RGS13: variants seen among roughly 807,000 people sequenced by gnomAD.
RGS13 encodes the protein regulator of G-protein signalling 13.
A neutral mutation model predicts 19.9 loss-of-function variants in RGS13; 14 were observed. That is an observed-to-expected ratio of 0.70 (90% CI 0.46 to 1.10). The LOEUF is 1.10. RGS13 is among the 50% of genes least tolerant of loss of function. RGS13 has a pLI of 0.00. For missense variants in RGS13, 205 were observed against 187.1 expected (o/e 1.10, Z -0.56); for synonymous variants, 60 against 56.8 (o/e 1.06, Z -0.25).
At chr1:192,643,969 AAAT>A (rs1486526985) in intron 3 of RGS13, among the ~76,000 whole-genome samples, 1 of 152,106 alleles carries the variant, frequency 6.6e-6, no homozygotes, top group African/African-American at 2.4e-5. Context: ...ATAAAAATAA[AAAT>A]AAGAATTGTC....
At chr1:192,649,696 A>G (rs1033809414) in intron 5 of RGS13, among the ~76,000 whole-genome samples, 6 of 151,940 alleles carry the variant, frequency 3.9e-5, no homozygotes, top group Admixed American at 1.3e-4. Context: ...GGGTCACTTC[A>G]TTTTCTACTT....
At chr1:192,659,223 A>C (rs1234602236) in intron 6 of RGS13, 115 bp from the exon 7 acceptor site, 1 of 636,460 alleles carries the variant, frequency 1.6e-6, no homozygotes, top group Admixed American at 3.6e-5. Context: ...ACTACAAAGA[A>C]AATTACCCTA....
At chr1:192,650,612 G>A (rs561805505) in intron 5 of RGS13, among the ~76,000 whole-genome samples, 10 of 152,072 alleles carry the variant, frequency 6.6e-5, no homozygotes, top group South Asian at 6.2e-4. Context: ...GTTTAGAGAC[G>A]TTTTAGGGAG....
intron 5 of RGS13, among the ~76,000 whole-genome samples, chr1:192,650,503 T>C (rs983251731): frequency 2.9e-4 from 44 of 152,088 alleles, no homozygotes; most frequent in African/African-American, 9.9e-4. Context: ...AGATGCATAT[T>C]TTACATAGAT....
intron 3 of RGS13, among the ~76,000 whole-genome samples, chr1:192,641,085 A>G (rs1017515854): frequency 6.6e-6 from 1 of 151,678 alleles, no homozygotes; most frequent in African/African-American, 2.4e-5. Context: ...AACAGCTTTC[A>G]AGGAAGAAAG....
chr1:192,658,295 C>G lies in RGS13; in HGVS notation c.222C>G (p.Ala74=). 2 of 1,613,526 alleles carry G rather than the reference C, an allele frequency of 1.2e-6. No individual in the cohort carries two copies. The highest frequency in any genetic ancestry group is 1.1e-5 in the South Asian group (1 of 91,062). ...WMACETYKKI[A]SRWSRISRAK... ...CATGTGAAACCTATAAGAAAATTGC[C>G]TCACGGTGGAGCAGAATTTCTAGGG... The change falls in exon 6 of 7, where the codon GCC becomes GCG. Residue 74 remains alanine (A), a synonymous_variant. Coordinates refer to ENST00000391995, the MANE Select transcript of RGS13 (RefSeq NM_002927.5).
intron 5 of RGS13, among the ~76,000 whole-genome samples, chr1:192,654,986 A>C (rs1219131322): frequency 3.9e-5 from 6 of 152,032 alleles, no homozygotes; most frequent in Non-Finnish European, 8.8e-5. Context: ...TTCTGAGCAT[A>C]ATGTTCAGGA....
intron 3 of RGS13, among the ~76,000 whole-genome samples, chr1:192,641,191 AAAAAGAAAAAAG>A (rs1663099053): frequency 6.9e-6 from 1 of 144,482 alleles, no homozygotes; most frequent in African/African-American, 2.6e-5. Flanking sequence ...AAGAAAGAAA[AAAAAGAAAAAAG>A]GAAAGAAAGA....
In RGS13 at chr1:192,658,181, GATTTCTCCTCT is replaced by G; in HGVS notation, c.128-18_128-8del. Reference sequence around the variant, plus strand: ...TGATTTTGACCCATGAAAATAAACTGATTTCTCCTCTACTTTTAGATGGTCCAGTAGTCTAT... The same window carrying G: ...TGATTTTGACCCATGAAAATAAACTGACTTTTAGATGGTCCAGTAGTCTAT... On this transcript the variant is annotated splice_polypyrimidine_tract_variant and intron_variant, in intron 5 of 6. Coordinates refer to ENST00000391995, the MANE Select transcript of RGS13 (RefSeq NM_002927.5). The G allele has an allele frequency of 1.3e-6, 2 of 1,571,634 alleles. No homozygotes were observed. The highest frequency in any genetic ancestry group is 1.7e-6 in the Non-Finnish European group (2 of 1,158,424).
At chr1:192,639,572 T>C (rs983966867) in intron 3 of RGS13, among the ~76,000 whole-genome samples, 1 of 152,118 alleles carries the variant, frequency 6.6e-6, no homozygotes, top group Non-Finnish European at 1.5e-5. Flanking sequence ...AGATCTGAGA[T>C]GAAATTTAAA....
chr1:192,646,851 A>G (rs1663231844), intron 4 of RGS13: 1 of 152,154 alleles, frequency 6.6e-6, no homozygotes, highest in East Asian at 1.9e-4. Context: ...TTATGGCTGC[A>G]TAGTATTCCA....
chr1:192,658,166 C>T, intron 5 of RGS13, 35 bp from the exon 6 acceptor site: 15 of 1,510,784 alleles, frequency 9.9e-6, no homozygotes, highest in East Asian at 4.6e-5. Context: ...TGATTTTGAC[C>T]CATGAAAATA....
At position 192,641,254 on chromosome 1, in the gene RGS13, AAAAGAAAGAAAGAAAGAAAG is replaced by A. The variant is rs771323101; in HGVS notation, c.-4-3041_-4-3022del. The stretch of plus-strand genomic sequence containing the variant: ...AAAGAAAGAAAGAAAGAAAAGAAAG[AAAAGAAAGAAAGAAAGAAAG>A]AAAGAAAGAAAGAAAGAAAGAAAGA... On this transcript the variant is annotated intron_variant, in intron 3 of 6. Coordinates refer to ENST00000391995, the MANE Select transcript of RGS13 (RefSeq NM_002927.5). Among the ~76,000 whole-genome samples, 116 of 67,468 alleles carry A rather than the reference AAAAGAAAGAAAGAAAGAAAG, an allele frequency of 1.7e-3. 1 individual carries two copies. Among genetic ancestry groups the A allele is most frequent in the African/African-American group, 4.8e-3 (94 of 19,690 alleles). The allele number at this position is 67,468 out of a possible 152,430, so 44.3% of individuals were successfully genotyped here.
At chr1:192,639,936 T>C (rs1044301345) in intron 3 of RGS13, among the ~76,000 whole-genome samples, 1 of 152,136 alleles carries the variant, frequency 6.6e-6, no homozygotes, top group Non-Finnish European at 1.5e-5. Context: ...CCAATTTCAT[T>C]AAATTTATAA....
chr1:192,639,768 G>A (rs1175704110), intron 3 of RGS13, among the ~76,000 whole-genome samples: 1 of 152,144 alleles, frequency 6.6e-6, no homozygotes, highest in African/African-American at 2.4e-5. Flanking sequence ...TCGAGCATAT[G>A]TCTGTCTGGC....
At chr1:192,656,580 T>C (rs934417521) in intron 5 of RGS13, among the ~76,000 whole-genome samples, 10 of 152,080 alleles carry the variant, frequency 6.6e-5, no homozygotes, top group African/African-American at 2.4e-4. Context: ...ATCTAATCTA[T>C]ATCATTTTCT....
intron 5 of RGS13, among the ~76,000 whole-genome samples, chr1:192,649,130 A>G (rs921274108): frequency 2.0e-5 from 3 of 152,076 alleles, no homozygotes; most frequent in African/African-American, 7.2e-5. Context: ...TGCCTTTCCA[A>G]TGGGCATTTG....
rs1663597244 is a variant in RGS13 at position 192,660,130 on chromosome 1, T to G, written c.*607T>G. The G allele has an allele frequency of 6.6e-6, 1 of 152,252 alleles. No homozygotes were observed. The highest frequency in any genetic ancestry group is 1.9e-4 in the East Asian group (1 of 5,190). The allele number at this position is 152,252 out of a possible 1,614,324, so 9.4% of individuals were successfully genotyped here. A position where few individuals can be genotyped will look rare whatever the true frequency, so the allele number is the denominator to read the frequency against. ...ATTTTTTAACAAAAAATATATGAAT[T>G]TCTTCATTTGCTCTTGCATCTACAT... On this transcript the variant is annotated 3_prime_UTR_variant, in exon 7 of 7. Transcript: ENST00000391995.
Position 192,642,698 on chromosome 1 carries a change from C to G in RGS13, c.-4-1633C>G, listed in dbSNP as rs770375027. Among the ~76,000 whole-genome samples, 96 of 152,156 alleles carry G rather than the reference C, an allele frequency of 6.3e-4. 1 individual carries two copies. The highest frequency in any genetic ancestry group is 3.7e-3 in the Admixed American group (56 of 15,256). ...ATCTTTGCTCAAGTTGCCCCTCCTT[C>G]ACTCAGCACACTCGTGGATATCCTG... On this transcript the variant is annotated intron_variant, in intron 3 of 6. Transcript: ENST00000391995.
Sources: allele counts gnomAD v4.1 joint callset (sites outside exome capture counted in the v4.1 genomes callset), GRCh38; gene constraint gnomAD v4.1.1; transcripts MANE v1.5; gene names NCBI Gene and HGNC (gene_info 2026-07-23, HGNC 2026-07-21).